TUSC3: variants seen among roughly 807,000 people sequenced by gnomAD.
TUSC3 encodes the protein tumor suppressor candidate 3.
TUSC3 carries 45 observed loss-of-function variants against 44.8 expected under a neutral mutation model. The ratio of observed to expected loss-of-function variants is 1.00; its 90% confidence interval spans 0.79 to 1.29. TUSC3 has a LOEUF of 1.29. Among genes scored for constraint, TUSC3 ranks in the 50% most tolerant of loss-of-function variants. TUSC3 has a pLI of 0.00. For synonymous variants in TUSC3, 212 were observed against 152.9 expected (o/e 1.39, Z -2.85); for missense variants, 519 against 437.9 (o/e 1.19, Z -1.65).
At chr8:15,631,298 G>T (rs183575679) in intron 2 of TUSC3, among the ~76,000 whole-genome samples, 12 of 152,274 alleles carry the variant, frequency 7.9e-5, no homozygotes, top group Admixed American at 7.8e-4. Context: ...CTTCCTAGGT[G>T]TCTCTTCCTC....
At position 15,544,165 on chromosome 8, in the gene TUSC3, T is replaced by G. The variant is rs979799162; in HGVS notation, c.138+3597T>G. 3.9e-5 allele frequency among the ~76,000 whole-genome samples: 6 copies of G among 152,290 alleles called. No homozygotes were observed. The South Asian group carries it at 1.0e-3, about 26-fold the overall frequency. On this transcript the variant is annotated intron_variant, in intron 1 of 10. Transcript: ENST00000503731. ...TCACTGATGTTAAGTGATGTGAGTTTCTGGGAGACTTTGGCTTTTTAGTAG... is the reference window on the plus strand; with the variant it reads ...TCACTGATGTTAAGTGATGTGAGTTGCTGGGAGACTTTGGCTTTTTAGTAG...
chr8:15,431,429 C>A (rs79695585), intron 1 of TUSC3, among the ~76,000 whole-genome samples: 1 of 151,370 alleles, frequency 6.6e-6, no homozygotes, highest in Non-Finnish European at 1.5e-5. Context: ...TTTATTCTTT[C>A]GAATGCTCTT....
chr8:15,435,975 A>G (rs1180325725), intron 1 of TUSC3, among the ~76,000 whole-genome samples: 1 of 152,320 alleles, frequency 6.6e-6, no homozygotes, highest in South Asian at 2.1e-4. Context: ...TCTGAAGCAG[A>G]ATCTCTGATG....
chr8:15,530,961 A>C (rs541216996), intron 2 of TUSC3, among the ~76,000 whole-genome samples: 47 of 152,254 alleles, frequency 3.1e-4, no homozygotes, highest in African/African-American at 1.1e-3. Context: ...CCCAGAAAAC[A>C]CTGCTTCAGT....
At chr8:15,739,392 T>G (rs2129212341) in intron 7 of TUSC3, among the ~76,000 whole-genome samples, 1 of 152,280 alleles carries the variant, frequency 6.6e-6, no homozygotes, top group Middle Eastern at 3.4e-3. Context: ...GATGATTTGC[T>G]GAGGTTTTTG....
chr8:15,617,120 A>ATGTGTGTG (rs143444660), intron 1 of TUSC3, among the ~76,000 whole-genome samples: 140 of 123,742 alleles, frequency 1.1e-3, no homozygotes, highest in Middle Eastern at 4.7e-3. Flanking sequence ...TATCTGTAAA[A>ATGTGTGTG]TGTGTGTGTG....
chr8:15,647,691 G>A lies in TUSC3; in HGVS notation c.309-3006G>A, dbSNP rs141882948. Among the ~76,000 whole-genome samples, 746 of 152,076 alleles carry A rather than the reference G, an allele frequency of 4.9e-3. 6 individuals are homozygous for A. The highest frequency in any genetic ancestry group is 0.017 in the African/African-American group (709 of 41,482). On this transcript the variant is annotated intron_variant, in intron 2 of 10. Transcript: ENST00000503731. Reference sequence around the variant, plus strand: ...TTCATTCACACTACCTTTTCTATCAGTTATATTTTAAGGTAATTTTCTGAG... The same window carrying A: ...TTCATTCACACTACCTTTTCTATCAATTATATTTTAAGGTAATTTTCTGAG...
intron 1 of TUSC3, among the ~76,000 whole-genome samples, chr8:15,470,309 T>C (rs1401385333): frequency 6.7e-6 from 1 of 148,876 alleles, no homozygotes; most frequent in Non-Finnish European, 1.5e-5. Context: ...GAGGGAAAGA[T>C]GAATAGGTGG....
intron 6 of TUSC3, among the ~76,000 whole-genome samples, chr8:15,690,350 GGGA>G (rs1808844578): frequency 7.0e-6 from 1 of 143,422 alleles, no homozygotes; most frequent in Non-Finnish European, 1.6e-5. Context: ...CACTTTTAAA[GGGA>G]GTTTTTTTTT....
chr8:15,727,321 T>C (rs117431316), intron 6 of TUSC3, among the ~76,000 whole-genome samples: 2,142 of 152,314 alleles, frequency 0.014, 26 homozygotes, highest in Non-Finnish European at 0.024. Context: ...CTTACTCTTA[T>C]AGCTTTTGGT....
At chr8:15,812,461 A>G in the TUSC3 span, among the ~76,000 whole-genome samples, 5,811 of 152,242 alleles carry the variant, frequency 0.038, 378 homozygotes, top group African/African-American at 0.13. Flanking sequence ...AGTCTCAGAC[A>G]TAGCAATAGG....
chr8:15,466,046 A>G (rs17576874), intron 1 of TUSC3, among the ~76,000 whole-genome samples: 20 of 152,098 alleles, frequency 1.3e-4, no homozygotes, highest in East Asian at 3.8e-4. Context: ...TTTAAACTCA[A>G]TATATCCCGC....
chr8:15,799,200 G>A, the TUSC3 span, among the ~76,000 whole-genome samples: 1 of 152,100 alleles, frequency 6.6e-6, no homozygotes, highest in South Asian at 2.1e-4. Context: ...TGGACTGCAG[G>A]AGGCATTGAG....
intron 2 of TUSC3, among the ~76,000 whole-genome samples, chr8:15,521,436 T>G (rs1052047938): frequency 6.6e-6 from 1 of 152,142 alleles, no homozygotes; most frequent in Non-Finnish European, 1.5e-5. Flanking sequence ...CAAGGATGTT[T>G]GTAAATCTAC....
At chr8:15,504,977 A>G (rs188214733) in intron 2 of TUSC3, among the ~76,000 whole-genome samples, 2 of 152,126 alleles carry the variant, frequency 1.3e-5, no homozygotes, top group African/African-American at 2.4e-5. Flanking sequence ...TCTATTTCAA[A>G]TGAGGTGCGG....
chr8:15,540,460 T>C lies in TUSC3; in HGVS notation c.30T>C (p.Arg10=). ...GGGCCCGGGGCGCTCCTTCACGCCG[T>C]AGGCAAGCGGGGCGGCGGCTGCGGT... is the stretch of plus-strand genomic sequence containing the variant. MGARGAPSR[R]RQAGRRLRYL... Residue 10 remains arginine, a synonymous_variant, in exon 1 of 11, where the codon CGT becomes CGC. Coordinates refer to ENST00000503731, the MANE Select transcript of TUSC3 (RefSeq NM_006765.4). 1.9e-6 allele frequency: 3 copies of C among 1,605,034 alleles called. No individual in the cohort carries two copies.
intron 1 of TUSC3, among the ~76,000 whole-genome samples, chr8:15,617,330 G>A (rs767416538): frequency 6.6e-6 from 1 of 151,740 alleles, no homozygotes; most frequent in African/African-American, 2.4e-5. Flanking sequence ...AGTAGAGACA[G>A]GGTTTCACCA....
rs139616220 is a variant in TUSC3 at position 15,495,407 on chromosome 8, G to A, written n.189+11924G>A. Among the ~76,000 whole-genome samples, 380 of 152,230 alleles carry A rather than the reference G, an allele frequency of 2.5e-3. 4 individuals are homozygous for A. Among genetic ancestry groups the A allele is most frequent in the African/African-American group, 8.6e-3 (357 of 41,536 alleles). On this transcript the variant is annotated intron_variant and non_coding_transcript_variant, in intron 2 of 5. Transcript: ENST00000503191. ...TCCTAGTATATAGTTTAAAACCGTG[G>A]AAATGACCTTCAGGTGAGTTCACAT...
intron 2 of TUSC3, among the ~76,000 whole-genome samples, chr8:15,512,235 C>T (rs1801146872): frequency 6.6e-6 from 1 of 152,166 alleles, no homozygotes; most frequent in African/African-American, 2.4e-5. Context: ...ATGAGATTAA[C>T]AATTAAATTG....
Sources: gnomAD v4.1 joint callset for allele counts (sites outside exome capture counted in the v4.1 genomes callset) on GRCh38, gnomAD v4.1.1 for gene constraint, MANE v1.5 for transcripts, NCBI Gene and HGNC (gene_info 2026-07-23, HGNC 2026-07-21) for gene names.